SYTL5: variants seen among roughly 807,000 people sequenced by gnomAD.
SYTL5 encodes synaptotagmin-like protein 5.
SYTL5 carries 34 observed loss-of-function variants against 55.9 expected under a neutral mutation model. That is an observed-to-expected ratio of 0.61 (90% CI 0.46 to 0.81). The LOEUF is 0.81. Ranked by LOEUF, SYTL5 falls within the 30% of genes least tolerant of loss-of-function variation. The pLI is 0.00. For synonymous variants in SYTL5, 221 were observed against 188.7 expected (o/e 1.17, Z -1.40); for missense variants, 637 against 546.7 (o/e 1.17, Z -1.65).
At chrX:37,987,444 G>C in the SYTL5 span, among the ~76,000 whole-genome samples, 1 of 112,100 alleles carries the variant, frequency 8.9e-6, no homozygotes, top group Non-Finnish European at 1.9e-5. Flanking sequence ...ATACATATTT[G>C]TTTGGGTGTT....
intron 2 of SYTL5, among the ~76,000 whole-genome samples, chrX:38,041,679 AT>A (rs1291178519): frequency 8.9e-6 from 1 of 112,196 alleles, no homozygotes; most frequent in Admixed American, 9.4e-5. Context: ...ACTAACTTTA[AT>A]TTTGATTCTA....
the SYTL5 span, among the ~76,000 whole-genome samples, chrX:37,895,330 G>A: frequency 9.0e-6 from 1 of 111,294 alleles, no homozygotes. Context: ...CTGTAAGCTG[G>A]GGACAATAAT....
At chrX:38,017,600 C>T (rs7065657) in intron 1 of SYTL5, among the ~76,000 whole-genome samples, 10,085 of 109,294 alleles carry the variant, frequency 0.092, 839 homozygotes, top group African/African-American at 0.24. Context: ...GAAGATCAGG[C>T]TGCTTATTCT....
the SYTL5 span, among the ~76,000 whole-genome samples, chrX:37,914,967 C>T: frequency 9.0e-6 from 1 of 111,512 alleles, no homozygotes; most frequent in Non-Finnish European, 1.9e-5. Context: ...TTCAGGGTCA[C>T]ATCCTCTAGT....
intron 11 of SYTL5, 103 bp from the exon 12 acceptor site, chrX:38,108,497 A>G (rs1937270447): frequency 5.4e-6 from 3 of 555,890 alleles, no homozygotes; most frequent in Non-Finnish European, 5.9e-6. Context: ...ATTTCCGCTC[A>G]TGCTCACTGG....
At chrX:38,108,982 C>T (rs899911724) in intron 12 of SYTL5, among the ~76,000 whole-genome samples, 4 of 112,292 alleles carry the variant, frequency 3.6e-5, no homozygotes, top group Non-Finnish European at 5.6e-5. Flanking sequence ...GCTAAAAAAT[C>T]GGTTTTACCT....
the SYTL5 span, among the ~76,000 whole-genome samples, chrX:37,915,807 C>T: frequency 1.8e-5 from 2 of 109,982 alleles, no homozygotes; most frequent in Non-Finnish European, 1.9e-5. Flanking sequence ...CTTGGGGGTT[C>T]GTGGACCCCA....
At chrX:38,099,031 G>A (rs1352347159) in intron 9 of SYTL5, among the ~76,000 whole-genome samples, 1 of 110,625 alleles carries the variant, frequency 9.0e-6, no homozygotes, top group African/African-American at 3.3e-5. Flanking sequence ...ACAGGCATGG[G>A]GGAGCTTATT....
chrX:38,004,620 C>T (rs1401211525), upstream of SYTL5, among the ~76,000 whole-genome samples: 1 of 111,360 alleles, frequency 9.0e-6, no homozygotes, highest in Non-Finnish European at 1.9e-5. Flanking sequence ...CTGTCGTTTG[C>T]AACAACATGG....
intron 8 of SYTL5, among the ~76,000 whole-genome samples, chrX:38,095,495 A>G (rs1437247664): frequency 8.9e-6 from 1 of 111,869 alleles, no homozygotes; most frequent in Non-Finnish European, 1.9e-5. Flanking sequence ...AGCTGTCCTG[A>G]CTTGGTAAGC....
intron 14 of SYTL5, 74 bp downstream of exon 14, chrX:38,120,540 G>T: frequency 1.3e-6 from 1 of 786,834 alleles, no homozygotes; most frequent in East Asian, 3.2e-5. Context: ...TCAGGGATTG[G>T]TTGCATTATA....
Position 38,094,065 on chromosome X carries a change from T to C in SYTL5, c.832-230T>C, listed in dbSNP as rs1052035716. 3.3e-4 allele frequency among the ~76,000 whole-genome samples: 37 copies of C among 111,337 alleles called. 1 individual carries two copies. The Admixed American group carries it at 3.4e-3, about 10-fold the overall frequency. ...TTTGGGGAATGAGAAATTGTCCGGA[T>C]ACCTTTTGCACTAATTAACAAACCT... On this transcript the variant is annotated intron_variant, in intron 7 of 16. Transcript: ENST00000297875.
chrX:38,114,988 C>T (rs928886036), intron 13 of SYTL5, among the ~76,000 whole-genome samples: 1 of 112,177 alleles, frequency 8.9e-6, no homozygotes, highest in Non-Finnish European at 1.9e-5. Context: ...TTTTAATTAA[C>T]ATAATATCCT....
chrX:37,937,841 C>T, the SYTL5 span, among the ~76,000 whole-genome samples: 5 of 112,186 alleles, frequency 4.5e-5, no homozygotes, highest in South Asian at 3.7e-4. Flanking sequence ...CTATGACAAG[C>T]GATGGGCATT....
the SYTL5 span, among the ~76,000 whole-genome samples, chrX:37,907,886 AATTTTTT>A: frequency 2.9e-3 from 320 of 111,693 alleles, 1 homozygote; most frequent in African/African-American, 9.8e-3. Context: ...TTTAATATTT[AATTTTTT>A]ATTTTTTATT....
Position 38,120,404 on chromosome X carries a change from C to G in SYTL5, c.1643C>G (p.Thr548Arg), listed in dbSNP as rs1289871109. 1.7e-6 allele frequency: 2 copies of G among 1,211,218 alleles called. No homozygotes were observed. The highest frequency in any genetic ancestry group is 2.2e-6 in the Non-Finnish European group (2 of 895,087). ...GGCCTTCAATACAAAGGAGAGCTGA[C>G]AGTTGTTTTACGTTACATTCCCCCA... ...DIGLQYKGELTVVLRYIPPEE... is the reference protein window; with the variant it reads ...DIGLQYKGELRVVLRYIPPEE... Residue 548 changes from threonine (T) to arginine (R), a missense_variant, in exon 14 of 17, where the codon ACA becomes AGA. Physicochemically the swap from Thr to Arg is moderately conservative, Grantham distance 71. Transcript: ENST00000297875.
chrX:38,094,177 G>C (rs1284934485), intron 7 of SYTL5, 118 bp from the exon 8 acceptor site: 1 of 633,678 alleles, frequency 1.6e-6, no homozygotes, highest in Non-Finnish European at 2.2e-6. Context: ...ATGTCAATTA[G>C]CTCCTCCTAA....
At chrX:38,007,610 A>G (rs1166746991) in intron 1 of SYTL5, among the ~76,000 whole-genome samples, 1 of 111,680 alleles carries the variant, frequency 9.0e-6, no homozygotes, top group Admixed American at 9.5e-5. Context: ...TATTTTAAAC[A>G]CAGGAATTAA....
the SYTL5 span, among the ~76,000 whole-genome samples, chrX:37,997,100 T>A: frequency 7.1e-5 from 8 of 112,735 alleles, no homozygotes; most frequent in Middle Eastern, 0.018. Context: ...TAGAAATAAT[T>A]AGCTGCTACC....
Sources: gnomAD v4.1 joint callset for allele counts (sites outside exome capture counted in the v4.1 genomes callset) on GRCh38, gnomAD v4.1.1 for gene constraint, MANE v1.5 for transcripts, NCBI Gene and HGNC (gene_info 2026-07-23, HGNC 2026-07-21) for gene names.